NTM: variants seen among roughly 807,000 people sequenced by gnomAD.
NTM encodes the protein neurotrimin.
NTM carries 13 observed loss-of-function variants against 42.1 expected under a neutral mutation model. That is an observed-to-expected ratio of 0.31 (90% confidence interval 0.20 to 0.49). NTM has a LOEUF of 0.49. Among genes scored for constraint, NTM ranks in the 20% least tolerant of loss-of-function variants. The pLI is 0.99. For synonymous variants in NTM, 187 were observed against 179.2 expected (o/e 1.04, Z -0.35); for missense variants, 373 against 452.8 (o/e 0.82, Z 1.60).
At chr11:131,846,264 A>G (rs1192911665) in intron 1 of NTM, among the ~76,000 whole-genome samples, 4 of 152,122 alleles carry the variant, frequency 2.6e-5, no homozygotes, top group Admixed American at 1.3e-4. Context: ...TCCTTAACCT[A>G]TGTTAAGAGA....
chr11:131,504,660 C>T (rs756934988), intron 1 of NTM, among the ~76,000 whole-genome samples: 4 of 152,144 alleles, frequency 2.6e-5, no homozygotes, highest in Non-Finnish European at 5.9e-5. Context: ...CACTGCTGGC[C>T]TTTCCAAACT....
intron 2 of NTM, among the ~76,000 whole-genome samples, chr11:131,964,170 G>A (rs1343475318): frequency 1.3e-5 from 2 of 152,188 alleles, no homozygotes; most frequent in African/African-American, 2.4e-5. Context: ...AACCAAGGGA[G>A]CTGGAGAAGA....
Position 131,384,622 on chromosome 11 carries a change from A to G in NTM, c.82+13734A>G, listed in dbSNP as rs116081776. Among the ~76,000 whole-genome samples, 275 of 152,226 alleles carry G rather than the reference A, an allele frequency of 1.8e-3. 1 individual carries two copies. Among genetic ancestry groups the G allele is most frequent in the African/African-American group, 6.2e-3 (257 of 41,540 alleles). ...GGCCAGGGAAGGAGAGGCAAGAAGGAGGATGTGGTGATGGCTGGCCAGGTG... is the reference window on the plus strand; with the variant it reads ...GGCCAGGGAAGGAGAGGCAAGAAGGGGGATGTGGTGATGGCTGGCCAGGTG... On this transcript the variant is annotated intron_variant, in intron 1 of 8. Transcript: ENST00000683400.
chr11:131,548,666 A>G (rs2054260342), intron 1 of NTM, among the ~76,000 whole-genome samples: 1 of 152,136 alleles, frequency 6.6e-6, no homozygotes, highest in Non-Finnish European at 1.5e-5. Context: ...AGGGTGAGGG[A>G]GAAGGTGTGA....
At chr11:132,225,609 T>A (rs988017487) in intron 4 of NTM, among the ~76,000 whole-genome samples, 1 of 152,160 alleles carries the variant, frequency 6.6e-6, no homozygotes, top group African/African-American at 2.4e-5. Context: ...CTGAAAACCA[T>A]GTGCAAAACT....
intron 1 of NTM, among the ~76,000 whole-genome samples, chr11:131,882,370 T>A (rs1002843815): frequency 6.6e-6 from 1 of 152,232 alleles, no homozygotes; most frequent in Non-Finnish European, 1.5e-5. Flanking sequence ...CATTTTCTAT[T>A]AGAACCTTCA....
chr11:131,652,590 G>C (rs1189114892), intron 1 of NTM, among the ~76,000 whole-genome samples: 1 of 152,170 alleles, frequency 6.6e-6, no homozygotes, highest in Non-Finnish European at 1.5e-5. Context: ...GCCCAACTTG[G>C]GGCAAGACAG....
intron 1 of NTM, among the ~76,000 whole-genome samples, chr11:131,817,563 T>C (rs1288437715): frequency 1.3e-5 from 2 of 152,218 alleles, no homozygotes; most frequent in Admixed American, 1.3e-4. Flanking sequence ...TTAGCCAATG[T>C]TCATGTTTAT....
At position 131,655,899 on chromosome 11, in the gene NTM, G is replaced by A. The variant is rs141372631; in HGVS notation, c.83-255665G>A. On this transcript the variant is annotated intron_variant, in intron 1 of 8. Transcript: ENST00000683400. Reference sequence around the variant, plus strand: ...CTTTCTGAAGTGCTGGGACCAAATCGATTGGCCATCTGGGCACCTGCCCTA... The same window carrying A: ...CTTTCTGAAGTGCTGGGACCAAATCAATTGGCCATCTGGGCACCTGCCCTA... Among the ~76,000 whole-genome samples, 1,112 of 152,320 alleles carry A rather than the reference G, an allele frequency of 7.3e-3. 8 individuals are homozygous for A. Among genetic ancestry groups the A allele is most frequent in the Non-Finnish European group, 0.013 (853 of 68,034 alleles).
At chr11:131,449,694 G>T (rs1591699587) in intron 1 of NTM, among the ~76,000 whole-genome samples, 1 of 152,180 alleles carries the variant, frequency 6.6e-6, no homozygotes. Flanking sequence ...CTTCAGAGAA[G>T]CGTGTGTGTG....
intron 2 of NTM, among the ~76,000 whole-genome samples, chr11:131,974,846 C>G (rs1364814074): frequency 6.6e-6 from 1 of 152,116 alleles, no homozygotes; most frequent in Admixed American, 6.6e-5. Flanking sequence ...ACCTACAAAA[C>G]TTTCAAATTT....
At chr11:132,234,966 C>T (rs2088491091) in intron 4 of NTM, among the ~76,000 whole-genome samples, 1 of 152,184 alleles carries the variant, frequency 6.6e-6, no homozygotes, top group African/African-American at 2.4e-5. Context: ...TGAATTAAAT[C>T]AGGACGGGCC....
At chr11:131,708,300 A>G (rs889110408) in intron 1 of NTM, among the ~76,000 whole-genome samples, 3 of 152,176 alleles carry the variant, frequency 2.0e-5, no homozygotes, top group African/African-American at 7.2e-5. Flanking sequence ...AATGTTCAAG[A>G]AACATAACAA....
At position 131,449,580 on chromosome 11, in the gene NTM, C is replaced by T. The variant is rs139696018; in HGVS notation, c.82+78692C>T. Among the ~76,000 whole-genome samples the T allele has an allele frequency of 1.4e-4, 21 of 152,250 alleles. No homozygotes were observed. The East Asian group carries it at 3.9e-3, about 28-fold the overall frequency. On this transcript the variant is annotated intron_variant, in intron 1 of 8. Coordinates refer to ENST00000683400, the MANE Select transcript of NTM (RefSeq NM_001352005.2). Reference sequence around the variant, plus strand: ...ATGGCTGCACAGCCAGATGGTGATTCCAGCACCGGCCAGATCTGTGCTGCG... The same window carrying T: ...ATGGCTGCACAGCCAGATGGTGATTTCAGCACCGGCCAGATCTGTGCTGCG...
chr11:131,447,466 C>T (rs1393541982), intron 1 of NTM, among the ~76,000 whole-genome samples: 1 of 152,202 alleles, frequency 6.6e-6, no homozygotes, highest in East Asian at 1.9e-4. Flanking sequence ...TGTGGCCGTG[C>T]AGGCTGGGGC....
intron 1 of NTM, among the ~76,000 whole-genome samples, chr11:131,432,839 C>CCTTTTTTTTTTTTTTTTTTTTTTTTTTTT (rs1565494793): frequency 7.3e-5 from 5 of 68,694 alleles, no homozygotes; most frequent in Non-Finnish European, 1.0e-4. Context: ...ATTTAGCATT[C>CCTTTTTTTTTTTTTTTTTTTTTTTTTTTT]TTTTTTTTTT....
chr11:132,332,805 G>A (rs2095825301), intron 8 of NTM: 1 of 152,290 alleles, frequency 6.6e-6, no homozygotes, highest in South Asian at 2.1e-4. Flanking sequence ...ACCTGGCTGT[G>A]GCATTCTCCT....
At chr11:131,643,345 G>A (rs1448836998) in intron 1 of NTM, among the ~76,000 whole-genome samples, 1 of 152,224 alleles carries the variant, frequency 6.6e-6, no homozygotes, top group Non-Finnish European at 1.5e-5. Context: ...AGGGCTGCAG[G>A]AAGCCTGCTG....
chr11:131,886,172 C>T (rs985293119), intron 1 of NTM, among the ~76,000 whole-genome samples: 17 of 152,320 alleles, frequency 1.1e-4, no homozygotes, highest in African/African-American at 3.6e-4. Context: ...TAATCCTGTC[C>T]AGTTCACTCT....
Sources: gnomAD v4.1 joint callset for allele counts (sites outside exome capture counted in the v4.1 genomes callset) on GRCh38, gnomAD v4.1.1 for gene constraint, MANE v1.5 for transcripts, NCBI Gene and HGNC (gene_info 2026-07-23, HGNC 2026-07-21) for gene names.